UNC5D: variants seen among roughly 807,000 people sequenced by gnomAD.
UNC5D encodes the protein netrin receptor UNC5D.
UNC5D carries 39 observed loss-of-function variants against 105.4 expected under a neutral mutation model. The ratio of observed to expected loss-of-function variants is 0.37; its 90% CI spans 0.29 to 0.48. The LOEUF (loss-of-function observed/expected upper bound fraction) is 0.48. Among genes scored for constraint, UNC5D ranks in the 20% least tolerant of loss-of-function variants. The pLI is 0.98. For missense variants in UNC5D, 991 were observed against 1,202.4 expected, an observed-to-expected ratio of 0.82 and a Z score of 2.60; for synonymous variants, 452 against 450.4, an observed-to-expected ratio of 1.00 and a Z score of -0.04.
chr8:35,525,289 G>C, intron 1 of UNC5D: 4 of 1,612,176 alleles, frequency 2.5e-6, no homozygotes, highest in Non-Finnish European at 3.4e-6. Context: ...ACATGGCTCA[G>C]TGCACTCCCC....
At chr8:35,236,021 G>A (rs1802435770) in intron 1 of UNC5D, 134 bp downstream of exon 1, 1 of 730,866 alleles carries the variant, frequency 1.4e-6, no homozygotes, top group Non-Finnish European at 1.9e-6. Flanking sequence ...CAACCGGATG[G>A]GAGCCGAGTG....
chr8:35,526,081 A>T, intron 1 of UNC5D, among the ~76,000 whole-genome samples: 1 of 152,216 alleles, frequency 6.6e-6, no homozygotes, highest in East Asian at 1.9e-4. Context: ...AAAGGGAAAA[A>T]ACATGATTCT....
intron 1 of UNC5D, among the ~76,000 whole-genome samples, chr8:35,546,489 A>G (rs1000974628): frequency 1.3e-5 from 2 of 152,226 alleles, no homozygotes; most frequent in Non-Finnish European, 2.9e-5. Context: ...AAAGTGCATC[A>G]TTCAGATTGC....
intron 9 of UNC5D, among the ~76,000 whole-genome samples, chr8:35,725,686 T>G (rs967145442): frequency 3.3e-5 from 5 of 152,162 alleles, no homozygotes; most frequent in African/African-American, 1.2e-4. Context: ...TAGCTTCTGT[T>G]ATAAACAGCA....
chr8:35,758,682 G>A (rs933663242), intron 13 of UNC5D, among the ~76,000 whole-genome samples: 2 of 152,184 alleles, frequency 1.3e-5, no homozygotes, highest in African/African-American at 4.8e-5. Context: ...AGATTTTTCA[G>A]TGAAAGCTAC....
At chr8:35,575,057 C>G (rs1467145789) in intron 3 of UNC5D, among the ~76,000 whole-genome samples, 1 of 152,054 alleles carries the variant, frequency 6.6e-6, no homozygotes, top group Non-Finnish European at 1.5e-5. Context: ...TCTGTGGCAC[C>G]CCCAGCTTCA....
rs539399345 is a variant in UNC5D, at chr8:35,512,569, A to ATATATATATATATATATATATATATC, written c.104-36722_104-36721insATATATATATATATATATATATATCT. On this transcript the variant is annotated intron_variant, in intron 1 of 16. Transcript: ENST00000404895. ...TATATATATATATATATATATATAT[A>ATATATATATATATATATATATATATC]TCTGAATAGATTACTAAATGGAGAT... Among the ~76,000 whole-genome samples, 14 of 64,820 alleles carry ATATATATATATATATATATATATATC rather than the reference A, an allele frequency of 2.2e-4. 5 individuals carry two copies. Among genetic ancestry groups the ATATATATATATATATATATATATATC allele is most frequent in the African/African-American group, 3.2e-4 (4 of 12,432 alleles). 42.5% of individuals were successfully genotyped at this position (64,820 alleles called of 152,430 possible). A position where few individuals can be genotyped will look rare whatever the true frequency, so the allele number is the denominator to read the frequency against.
chr8:35,789,137 C>CGATA (rs1491172701), intron 16 of UNC5D, among the ~76,000 whole-genome samples: 4 of 32,432 alleles, frequency 1.2e-4, no homozygotes, highest in Non-Finnish European at 1.8e-4. Context: ...GGAGAAAAGA[C>CGATA]TATATATATA....
chr8:35,785,480 C>G (rs1207461272), intron 16 of UNC5D, among the ~76,000 whole-genome samples: 1 of 152,098 alleles, frequency 6.6e-6, no homozygotes, highest in African/African-American at 2.4e-5. Flanking sequence ...GTGCTTCAGC[C>G]TCCCAAGTAG....
rs1307762189 is a variant in UNC5D at position 35,385,709 on chromosome 8, C to T, written c.103+149822C>T. On this transcript the variant is annotated intron_variant, in intron 1 of 16. Transcript: ENST00000404895. ...CTCGATCTCCTGACCTCGTGATCCACCTGCCTCGGCCTCCCACAGTGCTGG... is the reference window on the plus strand; with the variant it reads ...CTCGATCTCCTGACCTCGTGATCCATCTGCCTCGGCCTCCCACAGTGCTGG... 2.0e-5 allele frequency among the ~76,000 whole-genome samples: 3 copies of T among 152,112 alleles called. No homozygotes were observed. The East Asian group carries it at 5.8e-4, about 29-fold the overall frequency.
chr8:35,271,697 ATG>A (rs1805379601), intron 1 of UNC5D, among the ~76,000 whole-genome samples: 2 of 69,198 alleles, frequency 2.9e-5, no homozygotes, highest in South Asian at 4.5e-4. Flanking sequence ...ACATGTATAC[ATG>A]TATACATATA....
chr8:35,641,917 G>A (rs1822774883), intron 4 of UNC5D, among the ~76,000 whole-genome samples: 1 of 152,076 alleles, frequency 6.6e-6, no homozygotes, highest in South Asian at 2.1e-4. Flanking sequence ...TCTTGCTTAG[G>A]TATGGATGGT....
chr8:35,779,088 T>C (rs1379780817), intron 16 of UNC5D, among the ~76,000 whole-genome samples: 2 of 152,220 alleles, frequency 1.3e-5, no homozygotes, highest in African/African-American at 2.4e-5. Context: ...TCAGAGTTCA[T>C]ACTTGCTGCA....
At chr8:35,436,052 T>C (rs936444325) in intron 1 of UNC5D, among the ~76,000 whole-genome samples, 4 of 152,100 alleles carry the variant, frequency 2.6e-5, no homozygotes, top group African/African-American at 9.6e-5. Flanking sequence ...GCAATATTTA[T>C]GAATATTTGG....
At chr8:35,426,370 G>T (rs1806248862) in intron 1 of UNC5D, among the ~76,000 whole-genome samples, 1 of 151,940 alleles carries the variant, frequency 6.6e-6, no homozygotes, top group Non-Finnish European at 1.5e-5. Flanking sequence ...AGAGAATTAG[G>T]GAAAATAAAG....
intron 4 of UNC5D, among the ~76,000 whole-genome samples, chr8:35,605,285 C>A (rs1288807567): frequency 6.6e-6 from 1 of 152,172 alleles, no homozygotes; most frequent in East Asian, 1.9e-4. Context: ...AGCTGCAGGT[C>A]TGTTGGGGTT....
intron 16 of UNC5D, among the ~76,000 whole-genome samples, chr8:35,775,606 T>A (rs1802209695): frequency 7.4e-6 from 1 of 136,042 alleles, no homozygotes. Context: ...TTGGTACTAT[T>A]TTTTTTTTTC....
chr8:35,294,456 C>G (rs1807314725), intron 1 of UNC5D, among the ~76,000 whole-genome samples: 1 of 152,146 alleles, frequency 6.6e-6, no homozygotes, highest in Non-Finnish European at 1.5e-5. Context: ...AAATCACTTT[C>G]TAAAATTATC....
At chr8:35,420,427 G>T (rs1383097793) in intron 1 of UNC5D, among the ~76,000 whole-genome samples, 2 of 152,106 alleles carry the variant, frequency 1.3e-5, no homozygotes, top group Non-Finnish European at 2.9e-5. Flanking sequence ...TGCCTTCCTG[G>T]TGGTTCATAA....
Sources: allele counts gnomAD v4.1 joint callset (sites outside exome capture counted in the v4.1 genomes callset), GRCh38; gene constraint gnomAD v4.1.1; transcripts MANE v1.5; gene names NCBI Gene and HGNC (gene_info 2026-07-23, HGNC 2026-07-21).